PTPN14: variants seen among roughly 807,000 people sequenced by gnomAD.
PTPN14 encodes the protein protein tyrosine phosphatase non-receptor type 14.
PTPN14 carries 53 observed loss-of-function variants against 126.8 expected under a neutral mutation model. That is an observed-to-expected ratio of 0.42 (90% CI 0.34 to 0.53). The LOEUF is 0.53. PTPN14 is among the 20% of genes least tolerant of loss of function. The probability of loss-of-function intolerance (pLI) is 0.08; values close to 1 mark genes in which losing one functional copy is unlikely to be tolerated. For synonymous variants in PTPN14, 630 were observed against 599.3 expected, an observed-to-expected ratio of 1.05 and a Z score of -0.75; for missense variants, 1,257 against 1,552.9, an observed-to-expected ratio of 0.81 and a Z score of 3.20.
chr1:214,403,027 TC>T, intron 5 of PTPN14, 74 bp from the exon 6 acceptor site: 1 of 1,441,540 alleles, frequency 6.9e-7, no homozygotes, highest in South Asian at 1.2e-5. Context: ...ATCTTAAAGC[TC>T]CCTTCCTCAG....
At chr1:214,452,058 G>A (rs1660283645) in intron 2 of PTPN14, 84 bp from the exon 3 acceptor site, 2 of 1,451,342 alleles carry the variant, frequency 1.4e-6, no homozygotes, top group African/African-American at 1.4e-5. Context: ...CCAGCATGCT[G>A]CATCCCACCC....
At chr1:214,512,083 C>T (rs1294775067) in intron 1 of PTPN14, among the ~76,000 whole-genome samples, 1 of 152,024 alleles carries the variant, frequency 6.6e-6, no homozygotes, top group Non-Finnish European at 1.5e-5. Flanking sequence ...GAGGCCCCTG[C>T]CCCAGCACAT....
At chr1:214,497,560 A>G (rs1203590193) in intron 1 of PTPN14, among the ~76,000 whole-genome samples, 1 of 152,192 alleles carries the variant, frequency 6.6e-6, no homozygotes, top group Non-Finnish European at 1.5e-5. Flanking sequence ...AAAGGATGTC[A>G]CTTTTGCATT....
intron 10 of PTPN14, 40 bp from the exon 11 acceptor site, chr1:214,391,085 T>A: frequency 6.8e-7 from 1 of 1,467,082 alleles, no homozygotes; most frequent in Non-Finnish European, 9.4e-7. Flanking sequence ...GTTATTATTA[T>A]TGATATAAAA....
At chr1:214,370,267 G>A (rs1358424596) in intron 16 of PTPN14, among the ~76,000 whole-genome samples, 1 of 149,538 alleles carries the variant, frequency 6.7e-6, no homozygotes, top group Non-Finnish European at 1.5e-5. Context: ...GCAACAGAGG[G>A]GAGATTCCAT....
intron 15 of PTPN14, among the ~76,000 whole-genome samples, chr1:214,373,127 T>C (rs964360126): frequency 6.6e-6 from 1 of 152,200 alleles, no homozygotes; most frequent in Non-Finnish European, 1.5e-5. Context: ...CGATCTTGGC[T>C]CACTGCAACC....
intron 1 of PTPN14, among the ~76,000 whole-genome samples, chr1:214,492,255 A>G (rs1218956751): frequency 6.6e-6 from 1 of 152,156 alleles, no homozygotes; most frequent in African/African-American, 2.4e-5. Context: ...GCCCCCCAAA[A>G]GGCAGAAGAA....
chr1:214,485,269 G>A (rs1340034057), intron 1 of PTPN14, among the ~76,000 whole-genome samples: 1 of 152,120 alleles, frequency 6.6e-6, no homozygotes, highest in African/African-American at 2.4e-5. Context: ...AGTGAGCCTC[G>A]TATCTCTCCC....
chr1:214,389,906 A>C (rs944681347), intron 11 of PTPN14, among the ~76,000 whole-genome samples: 1 of 152,226 alleles, frequency 6.6e-6, no homozygotes, highest in African/African-American at 2.4e-5. Context: ...AGGGCCCAGG[A>C]CCACATGTGA....
At chr1:214,471,099 T>C (rs1331654395) in intron 1 of PTPN14, among the ~76,000 whole-genome samples, 2 of 151,020 alleles carry the variant, frequency 1.3e-5, no homozygotes, top group Non-Finnish European at 3.0e-5. Flanking sequence ...TTTAAAGACT[T>C]AGACTTTCAC....
chr1:214,518,146 C>T (rs935928856), intron 1 of PTPN14, among the ~76,000 whole-genome samples: 3 of 152,006 alleles, frequency 2.0e-5, no homozygotes, highest in Admixed American at 6.6e-5. Context: ...GTACTGTATC[C>T]GAAAATCCAC....
rs190341289 is a variant in PTPN14 at position 214,439,731 on chromosome 1, T to C, written c.344+12074A>G. Among the ~76,000 whole-genome samples the C allele has an allele frequency of 9.8e-5, 15 of 152,342 alleles. No homozygotes were observed. In the East Asian group the frequency reaches 2.1e-3, roughly 22 times the overall value. On this transcript the variant is annotated intron_variant, in intron 3 of 18. Transcript: ENST00000366956. ...GAGTCACACCTGGTAACTTGACACC[T>C]GCTGACACCTTTCTACTGTTTACTT...
intron 13 of PTPN14, among the ~76,000 whole-genome samples, chr1:214,378,754 C>G (rs530483404): frequency 6.6e-6 from 1 of 152,280 alleles, no homozygotes; most frequent in Admixed American, 6.5e-5. Context: ...TAAGATGATC[C>G]GCAGGCATCA....
intron 3 of PTPN14, among the ~76,000 whole-genome samples, chr1:214,420,667 C>G (rs1235705254): frequency 2.6e-5 from 4 of 152,222 alleles, no homozygotes; most frequent in Non-Finnish European, 5.9e-5. Context: ...AGTAGCCTAT[C>G]ATCTAATCAG....
intron 1 of PTPN14, among the ~76,000 whole-genome samples, chr1:214,539,938 C>T (rs762447744): frequency 5.3e-5 from 8 of 152,114 alleles, no homozygotes; most frequent in Admixed American, 4.6e-4. Flanking sequence ...TATTTTTAGA[C>T]ACTTCTTAGG....
intron 1 of PTPN14, among the ~76,000 whole-genome samples, chr1:214,512,308 G>A (rs144351067): frequency 2.0e-5 from 3 of 152,086 alleles, no homozygotes; most frequent in African/African-American, 7.2e-5. Context: ...GTTTGGCCTA[G>A]GCTGTCCCCT....
At position 214,383,908 on chromosome 1, in the gene PTPN14, C is replaced by A; in HGVS notation, c.1947G>T (p.Met649Ile). The A allele has an allele frequency of 6.2e-7, 1 of 1,613,482 alleles. No homozygotes were observed. Among genetic ancestry groups the A allele is most frequent in the Non-Finnish European group, 8.5e-7 (1 of 1,180,014 alleles). ...GCGTCATGGCCTCCATGCCCCGCACCATGCTGTTCATCACCTCCAGGCTGT... is the reference window on the plus strand; with the variant it reads ...GCGTCATGGCCTCCATGCCCCGCACAATGCTGTTCATCACCTCCAGGCTGT... ...KRHSLEVMNS[M>I]VRGMEAMTLK... Residue 649 changes from methionine (M) to isoleucine (I), a missense_variant, in exon 13 of 19, where the codon ATG becomes ATT. This residue lies in a region of PTPN14 where 1,021 missense variants were observed against 1,183.3 expected (regional missense o/e 0.86). Coordinates refer to ENST00000366956, the MANE Select transcript of PTPN14 (RefSeq NM_005401.5). This position sits in a 1 kb window ranked among gnomAD's most constrained non-coding sequence, Gnocchi z 4.4.
In PTPN14 at chr1:214,491,216, G is replaced by A. The variant is rs528052244; in HGVS notation, c.-154-26259C>T. On this transcript the variant is annotated intron_variant, in intron 1 of 18. Transcript: ENST00000366956. ...AATGATGTAGGACTGAGAATGGTCT[G>A]GTAAAACTCTAAACCCAAACTTCAT... Among the ~76,000 whole-genome samples the A allele has an allele frequency of 7.6e-4, 116 of 152,138 alleles. No individual in the cohort carries two copies. The South Asian group carries it at 8.3e-3, about 11-fold the overall frequency.
intron 1 of PTPN14, chr1:214,532,691 C>A (rs1440759827): frequency 1.2e-6 from 1 of 802,918 alleles, no homozygotes; most frequent in Non-Finnish European, 2.2e-6. Flanking sequence ...AAGTATGAGA[C>A]AGACTCTCAG....
Sources: allele counts gnomAD v4.1 joint callset (sites outside exome capture counted in the v4.1 genomes callset), GRCh38; gene constraint gnomAD v4.1.1; regional missense constraint gnomAD v4.1.1; non-coding constraint Gnocchi (gnomAD v3.1); transcripts MANE v1.5; gene names NCBI Gene and HGNC (gene_info 2026-07-23, HGNC 2026-07-21).